The following TTC7A variants were observed in gnomAD, a reference collection of about 807,000 sequenced individuals.
TTC7A encodes the protein tetratricopeptide repeat domain 7A, also known as tetratricopeptide repeat protein 7A.
TTC7A carries 110 observed loss-of-function variants against 103.7 expected under a neutral mutation model. The observed-to-expected ratio is 1.06, with a 90% CI of 0.91 to 1.24. TTC7A has a LOEUF of 1.24. Ranked by LOEUF, TTC7A falls within the 50% of genes most tolerant of loss-of-function variation. The pLI is 0.00. For missense variants in TTC7A, 1,340 were observed against 1,116.3 expected (o/e 1.20, Z -2.86); for synonymous variants, 521 against 467.9 (o/e 1.11, Z -1.47).
chr2:46,936,119 A>G (rs1669965362), intron 2 of TTC7A, among the ~76,000 whole-genome samples: 1 of 152,122 alleles, frequency 6.6e-6, no homozygotes, highest in Non-Finnish European at 1.5e-5. Flanking sequence ...TAAGAAATAA[A>G]TATATTTGCT....
chr2:47,047,196 G>A (rs1215885890), intron 16 of TTC7A: 25 of 847,352 alleles, frequency 3.0e-5, no homozygotes, highest in Non-Finnish European at 4.4e-5. Context: ...CCTTCTTTGG[G>A]ATAGCTGGCT....
chr2:46,974,770 C>T (rs555276883), intron 3 of TTC7A: 7 of 667,466 alleles, frequency 1.0e-5, no homozygotes, highest in Admixed American at 4.5e-5. Context: ...TGATTCCCCA[C>T]GTGCTGTCCC....
chr2:46,972,694 G>A (rs1673478478), intron 3 of TTC7A, among the ~76,000 whole-genome samples: 1 of 152,244 alleles, frequency 6.6e-6, no homozygotes, highest in African/African-American at 2.4e-5. Context: ...GGTGTCCCCT[G>A]CAGGCAGAGA....
intron 15 of TTC7A, among the ~76,000 whole-genome samples, chr2:47,041,408 C>T (rs770884358): frequency 6.6e-6 from 1 of 152,168 alleles, no homozygotes; most frequent in Non-Finnish European, 1.5e-5. Flanking sequence ...GTGGTTTCAC[C>T]ATCCATAGGC....
Position 46,978,814 on chromosome 2 carries a change from G to T in TTC7A, c.671G>T (p.Arg224Met). The T allele has an allele frequency of 6.2e-7, 1 of 1,613,948 alleles. No homozygotes were observed. The highest frequency in any genetic ancestry group is 8.5e-7 in the Non-Finnish European group (1 of 1,179,950). Reference sequence around the variant, plus strand: ...CAGACCACAAATAACAGCACGTCGAGGCATCTGAAAGGCTGTCACCCGCTT... The same window carrying T: ...CAGACCACAAATAACAGCACGTCGATGCATCTGAAAGGCTGTCACCCGCTT... ...LEKTTNNSTS[R>M]HLKGCHPLDY... Residue 224 changes from arginine (R) to methionine (M), a missense_variant, in exon 5 of 20, where the codon AGG becomes ATG. Transcript: ENST00000319190.
chr2:47,043,699 T>C (rs1682009318), intron 15 of TTC7A, among the ~76,000 whole-genome samples: 1 of 152,170 alleles, frequency 6.6e-6, no homozygotes, highest in African/African-American at 2.4e-5. Context: ...CCCAGGATCC[T>C]GGAGTGAAAG....
intron 10 of TTC7A, among the ~76,000 whole-genome samples, chr2:47,010,009 C>T (rs1490545943): frequency 6.6e-6 from 1 of 151,758 alleles, no homozygotes; most frequent in Non-Finnish European, 1.5e-5. Context: ...AGCCAGGCTA[C>T]GTTCAAACCT....
chr2:47,016,453 G>T (rs758957679), intron 11 of TTC7A, among the ~76,000 whole-genome samples: 1 of 152,172 alleles, frequency 6.6e-6, no homozygotes, highest in Non-Finnish European at 1.5e-5. Context: ...GGTAGCTGTG[G>T]TGCTGTGAAA....
intron 5 of TTC7A, among the ~76,000 whole-genome samples, chr2:46,988,274 G>T (rs1675249112): frequency 6.6e-6 from 1 of 152,208 alleles, no homozygotes; most frequent in Non-Finnish European, 1.5e-5. Context: ...AAATGTCACA[G>T]CCCTATTCTG....
At chr2:47,049,074 G>T (rs1322717540) in intron 16 of TTC7A, among the ~76,000 whole-genome samples, 1 of 152,162 alleles carries the variant, frequency 6.6e-6, no homozygotes, top group African/African-American at 2.4e-5. Flanking sequence ...CGATGGCAAG[G>T]ACACCCCTGG....
intron 5 of TTC7A, among the ~76,000 whole-genome samples, chr2:46,980,491 C>T (rs186704544): frequency 6.6e-6 from 1 of 152,298 alleles, no homozygotes; most frequent in African/African-American, 2.4e-5. Context: ...GGATTACAGG[C>T]GTGAGCCACT....
chr2:46,952,494 G>A lies in TTC7A; in HGVS notation c.348+1968G>A, dbSNP rs183817948. 1.1e-4 allele frequency among the ~76,000 whole-genome samples: 17 copies of A among 152,372 alleles called. No homozygotes were observed. In the East Asian group the frequency reaches 3.3e-3, roughly 29 times the overall value. ...CCCAGCTGGCCTATGGCTCACGCCT[G>A]TAGTCTTAGCACTTTGGGAGGCTAA... On this transcript the variant is annotated intron_variant, in intron 2 of 19. Transcript: ENST00000319190.
intron 5 of TTC7A, 137 bp downstream of exon 5, chr2:46,979,044 G>A (rs1042908699): frequency 6.5e-6 from 4 of 614,430 alleles, no homozygotes; most frequent in Non-Finnish European, 8.7e-6. Context: ...GAACTGGCTT[G>A]TGTCACATCT....
rs758320109 is a variant in TTC7A, at chr2:46,956,905, G to C, written c.415G>C (p.Asp139His). The C allele has an allele frequency of 1.9e-6, 3 of 1,614,250 alleles. No homozygotes were observed. Among genetic ancestry groups the C allele is most frequent in the Non-Finnish European group, 2.5e-6 (3 of 1,180,044 alleles). Residue 139 changes from aspartate to histidine, a missense_variant, in exon 3 of 20, where the codon GAT (aspartate) becomes CAT (histidine). Physicochemically the swap from Asp to His is moderately conservative, Grantham distance 81. Transcript: ENST00000319190. The stretch of plus-strand genomic sequence containing the variant: ...GCATTACGTGGAGGGCTCATACCGA[G>C]ATGCCATCAGCATGTACGCACGGGC... The part of the protein sequence containing the change: ...KLHYVEGSYR[D>H]AISMYARAGI...
In TTC7A at chr2:47,059,983, C is replaced by G. The variant is rs538857045; in HGVS notation, c.2153-786C>G. Among the ~76,000 whole-genome samples, 12 of 152,012 alleles carry G rather than the reference C, an allele frequency of 7.9e-5. No individual in the cohort carries two copies. In the South Asian group the frequency reaches 2.5e-3, roughly 32 times the overall value. On this transcript the variant is annotated intron_variant, in intron 18 of 19. Transcript: ENST00000319190. ...ACCAGCCTGGGCAACATGGCGAAACCCCATCTCTACAAAAAAATACAAAAA... is the reference window on the plus strand; with the variant it reads ...ACCAGCCTGGGCAACATGGCGAAACGCCATCTCTACAAAAAAATACAAAAA...
chr2:47,021,949 G>A lies in TTC7A; in HGVS notation c.1480G>A (p.Gly494Ser), dbSNP rs1294818086. ...CCTCCCCAAGGGCTACCTGGCTCTG[G>A]GTCTCACCTATAGCCTGCAGGCCAC... ...EFLPKGYLAL[G>S]LTYSLQATDA... is the part of the protein sequence containing the mutation. The change falls in exon 12 of 20, where the codon GGT becomes AGT. Residue 494 changes from glycine (G) to serine (S), a missense_variant. Physicochemically the swap from Gly to Ser is moderately conservative, Grantham distance 56. Transcript: ENST00000319190. 6.2e-7 allele frequency: 1 copy of A among 1,613,924 alleles called. No individual in the cohort carries two copies. The highest frequency in any genetic ancestry group is 8.5e-7 in the Non-Finnish European group (1 of 1,179,946).
intron 18 of TTC7A, among the ~76,000 whole-genome samples, chr2:47,052,536 C>G (rs1188038630): frequency 6.6e-6 from 1 of 152,174 alleles, no homozygotes; most frequent in Non-Finnish European, 1.5e-5. Flanking sequence ...GAGGAAGAGG[C>G]AGCATGGCCC....
In TTC7A at chr2:46,965,763, A is replaced by G. The variant is rs571420966; in HGVS notation, c.517+8756A>G. 2.8e-4 allele frequency among the ~76,000 whole-genome samples: 42 copies of G among 152,080 alleles called. No homozygotes were observed. The South Asian group carries it at 8.1e-3, about 29-fold the overall frequency. ...TTTTCAGTAGAGATGGGGTTTCGCA[A>G]TGTTAGCCAGGCTGTTCTTGAACTC... On this transcript the variant is annotated intron_variant, in intron 3 of 19. Transcript: ENST00000319190.
At chr2:47,009,370 G>A in intron 10 of TTC7A, among the ~76,000 whole-genome samples, 1 of 152,100 alleles carries the variant, frequency 6.6e-6, no homozygotes, top group East Asian at 1.9e-4. Context: ...GGGGTCCTTT[G>A]AGGAAAGAGC....
Sources: allele counts gnomAD v4.1 joint callset (sites outside exome capture counted in the v4.1 genomes callset), GRCh38; gene constraint gnomAD v4.1.1; transcripts MANE v1.5; gene names NCBI Gene and HGNC (gene_info 2026-07-23, HGNC 2026-07-21).